Variants in PXYLP1 observed in about 807,000 individuals in gnomAD.
PXYLP1 encodes the protein acid phosphatase-like 2.
Under a neutral mutation model 37.9 loss-of-function variants are expected in PXYLP1, and 17 were observed. The ratio of observed to expected loss-of-function variants is 0.45; its 90% CI spans 0.31 to 0.67. The LOEUF is 0.67. Among genes scored for constraint, PXYLP1 ranks in the 30% least tolerant of loss-of-function variants. The pLI, the probability that PXYLP1 is intolerant of heterozygous loss-of-function variation, is 0.07. For missense variants in PXYLP1, 511 were observed against 612.0 expected, an observed-to-expected ratio of 0.84 and a Z score of 1.74; for synonymous variants, 221 against 232.2, an observed-to-expected ratio of 0.95 and a Z score of 0.44.
At chr3:141,272,015 C>T (rs905730294) in intron 2 of PXYLP1, among the ~76,000 whole-genome samples, 1 of 152,188 alleles carries the variant, frequency 6.6e-6, no homozygotes, top group Non-Finnish European at 1.5e-5. Context: ...TTTCAAGGCA[C>T]CTGCAAGGAG....
At chr3:141,254,816 T>A (rs1221065321) in intron 1 of PXYLP1, among the ~76,000 whole-genome samples, 1 of 152,198 alleles carries the variant, frequency 6.6e-6, no homozygotes, top group African/African-American at 2.4e-5. Context: ...AATACTACCT[T>A]TCTATTCTTG....
intron 2 of PXYLP1, among the ~76,000 whole-genome samples, chr3:141,265,391 T>C (rs1051269390): frequency 9.2e-5 from 14 of 151,542 alleles, no homozygotes; most frequent in Non-Finnish European, 1.9e-4. Context: ...ATCAGAATCT[T>C]GGTGGTAGTG....
intron 2 of PXYLP1, chr3:141,274,454 A>G: frequency 6.7e-7 from 1 of 1,496,386 alleles, no homozygotes; most frequent in African/African-American, 1.4e-5. Flanking sequence ...CTTCCCCTCC[A>G]CACAGCCAGC....
intron 1 of PXYLP1, among the ~76,000 whole-genome samples, chr3:141,258,161 C>T (rs1371495089): frequency 6.6e-6 from 1 of 152,126 alleles, no homozygotes; most frequent in African/African-American, 2.4e-5. Flanking sequence ...GGTGATGACA[C>T]AAAAGACACC....
chr3:141,263,793 T>C (rs571623781), intron 2 of PXYLP1, among the ~76,000 whole-genome samples: 2 of 152,214 alleles, frequency 1.3e-5, no homozygotes, highest in South Asian at 4.2e-4. Flanking sequence ...TAAAATAGAG[T>C]TAATTATTGC....
In PXYLP1 at chr3:141,274,329, G is replaced by A. The variant is rs878942265; in HGVS notation, c.80-4013G>A. The A allele has an allele frequency of 2.8e-5, 39 of 1,396,302 alleles. No individual in the cohort carries two copies. In the South Asian group the frequency reaches 5.9e-4, roughly 21 times the overall value. The allele number at this position is 1,396,302 out of a possible 1,614,324, so 86.5% of individuals were successfully genotyped here. A position where few individuals can be genotyped will look rare whatever the true frequency, so the allele number is the denominator to read the frequency against. ...GGAGCCCGGCCTGCACATCGACCCTGGTGAGGCCAACCTGACCAGGCCTTA... is the reference window on the plus strand; with the variant it reads ...GGAGCCCGGCCTGCACATCGACCCTAGTGAGGCCAACCTGACCAGGCCTTA... On this transcript the variant is annotated intron_variant, in intron 2 of 5. Coordinates refer to ENST00000286353, the MANE Select transcript of PXYLP1 (RefSeq NM_001037172.3).
intron 5 of PXYLP1, among the ~76,000 whole-genome samples, chr3:141,288,733 A>G (rs1196849964): frequency 6.6e-6 from 1 of 152,094 alleles, no homozygotes; most frequent in East Asian, 1.9e-4. Context: ...ATCTCTACAA[A>G]CAATTTTTTA....
Position 141,292,428 on chromosome 3 carries a change from C to T in PXYLP1, c.666C>T (p.Leu222=), listed in dbSNP as rs776751790. The T allele has an allele frequency of 1.2e-6, 2 of 1,614,196 alleles. No individual in the cohort carries two copies. The highest frequency in any genetic ancestry group is 1.7e-6 in the Non-Finnish European group (2 of 1,180,036). ...QSGLALLYGF[L]PDFDWKKIYF... is the part of the protein sequence containing the mutation. The stretch of plus-strand genomic sequence containing the variant: ...GGCTGGCCTTGCTTTATGGCTTTCT[C>T]CCAGATTTTGACTGGAAGAAGATTT... The change falls in exon 6 of 6, where the codon CTC becomes CTT. Residue 222 remains leucine, a synonymous_variant. Transcript: ENST00000286353. This position sits in a 1 kb window ranked among gnomAD's most constrained non-coding sequence, Gnocchi z 4.3.
intron 2 of PXYLP1, among the ~76,000 whole-genome samples, chr3:141,268,168 GGAGAGAGAGAGAGAGA>G (rs142785821): frequency 5.3e-4 from 69 of 129,684 alleles, no homozygotes; most frequent in African/African-American, 1.8e-3. Flanking sequence ...GGTGGGTGGG[GGAGAGAGAGAGAGAGA>G]GAGAGAGAGA....
At chr3:141,235,827 GGCCAACTAACACCTAACTGA>G (rs1940646245) in intron 1 of PXYLP1, among the ~76,000 whole-genome samples, 3 of 152,274 alleles carry the variant, frequency 2.0e-5, no homozygotes, top group South Asian at 4.1e-4. Context: ...GGAGGGCCCT[GGCCAACTAACACCTAACTGA>G]GCCACAGACT....
chr3:141,264,175 G>A (rs1220411319), intron 2 of PXYLP1, among the ~76,000 whole-genome samples: 1 of 151,596 alleles, frequency 6.6e-6, no homozygotes, highest in Non-Finnish European at 1.5e-5. Flanking sequence ...TTCCCAGTGG[G>A]AAAAGAGGAA....
Position 141,248,666 on chromosome 3 carries a change from CACACACGTGTATATATACACACGTATAT to C in PXYLP1, c.-53-11450_-53-11423del, listed in dbSNP as rs1941044055. 4.6e-5 allele frequency among the ~76,000 whole-genome samples: 2 copies of C among 43,386 alleles called. 1 individual carries two copies. The highest frequency in any genetic ancestry group is 8.0e-5 in the Non-Finnish European group (2 of 24,846). 28.5% of individuals were successfully genotyped at this position (43,386 alleles called of 152,430 possible). On this transcript the variant is annotated intron_variant, in intron 1 of 5. Transcript: ENST00000286353. The stretch of plus-strand genomic sequence containing the variant: ...GTGTATATATACACACGTATATATA[CACACACGTGTATATATACACACGTATAT>C]ACACACACGTGTATATATACACACG...
intron 2 of PXYLP1, among the ~76,000 whole-genome samples, chr3:141,272,416 A>G (rs1177303838): frequency 2.0e-5 from 3 of 152,208 alleles, no homozygotes; most frequent in Non-Finnish European, 4.4e-5. Flanking sequence ...ACAAAAAATC[A>G]AAATGAGCAA....
intron 1 of PXYLP1, among the ~76,000 whole-genome samples, chr3:141,244,302 A>C (rs753338993): frequency 6.6e-6 from 1 of 152,158 alleles, no homozygotes; most frequent in Non-Finnish European, 1.5e-5. Context: ...CAGCCTGTAC[A>C]TTCTATATTG....
intron 4 of PXYLP1, among the ~76,000 whole-genome samples, chr3:141,280,922 C>T (rs952934663): frequency 2.0e-5 from 3 of 152,202 alleles, no homozygotes; most frequent in Non-Finnish European, 2.9e-5. Context: ...TTTCCATCCA[C>T]GATGCCACAC....
intron 1 of PXYLP1, among the ~76,000 whole-genome samples, chr3:141,238,969 G>A (rs984082452): frequency 4.6e-5 from 7 of 151,844 alleles, no homozygotes; most frequent in Non-Finnish European, 4.4e-5. Flanking sequence ...TGGCAGAGGC[G>A]GAAGAGAACC....
rs1559885963 is a variant in PXYLP1, at chr3:141,260,265, C to T, written c.79+11C>T. On this transcript the variant is annotated intron_variant, in intron 2 of 5. Coordinates refer to ENST00000286353, the MANE Select transcript of PXYLP1 (RefSeq NM_001037172.3). The stretch of plus-strand genomic sequence containing the variant: ...TCAGCCTGCAGTTCTGTGAGTAGAG[C>T]CGGGCCCCGCAGGTCGTGGGAGGGT... 1.9e-6 allele frequency: 3 copies of T among 1,611,672 alleles called. No individual in the cohort carries two copies. The highest frequency in any genetic ancestry group is 3.3e-5 in the Admixed American group (2 of 59,996).
chr3:141,260,114 T>C lies in PXYLP1; in HGVS notation c.-53-9T>C, dbSNP rs1941353304. On this transcript the variant is annotated splice_polypyrimidine_tract_variant and intron_variant, in intron 1 of 5. Transcript: ENST00000286353. ...AAACACTCATTTATCACCTCTGCTT[T>C]ATTCACAGGACATGTTCCCGATTTG... The C allele has an allele frequency of 6.3e-7, 1 of 1,597,464 alleles. No individual in the cohort carries two copies. Among genetic ancestry groups the C allele is most frequent in the African/African-American group, 1.3e-5 (1 of 74,662 alleles).
At position 141,293,451 on chromosome 3, in the gene PXYLP1, C is replaced by T. The variant is rs998817361; in HGVS notation, c.*246C>T. 7.9e-6 allele frequency: 4 copies of T among 506,232 alleles called. No homozygotes were observed. The highest frequency in any genetic ancestry group is 3.3e-5 in the East Asian group (1 of 29,966). The allele number at this position is 506,232 out of a possible 1,614,324, so 31.4% of individuals were successfully genotyped here. A position where few individuals can be genotyped will look rare whatever the true frequency, so the allele number is the denominator to read the frequency against. On this transcript the variant is annotated 3_prime_UTR_variant, in exon 6 of 6. Transcript: ENST00000286353. The stretch of plus-strand genomic sequence containing the variant: ...AAGGTACTTTATCATAGCCAGACTT[C>T]GCTTAGAATGCCAGAATAATATAGT...
Sources: gnomAD v4.1 joint callset for allele counts (sites outside exome capture counted in the v4.1 genomes callset) on GRCh38, gnomAD v4.1.1 for gene constraint, Gnocchi (gnomAD v3.1) non-coding constraint, MANE v1.5 for transcripts, NCBI Gene and HGNC (gene_info 2026-07-23, HGNC 2026-07-21) for gene names.